ZNF277: variants seen among roughly 807,000 people sequenced by gnomAD.
ZNF277 encodes nuclear receptor-interacting factor 4.
In ZNF277, 55 loss-of-function variants were observed where a neutral mutation model predicts 60.7. That is an observed-to-expected ratio of 0.91 (90% confidence interval 0.73 to 1.13). ZNF277 has a LOEUF of 1.13. Ranked by LOEUF, ZNF277 falls within the 50% of genes most tolerant of loss-of-function variation. The pLI is 0.00. For synonymous variants in ZNF277, 178 were observed against 179.3 expected (o/e 0.99, Z 0.06); for missense variants, 510 against 523.0 (o/e 0.98, Z 0.24).
intron 4 of ZNF277, among the ~76,000 whole-genome samples, chr7:112,308,302 G>T (rs1355880303): frequency 6.6e-6 from 1 of 151,838 alleles, no homozygotes; most frequent in Non-Finnish European, 1.5e-5. Context: ...ATCACTTGAG[G>T]CCAGGAGTTC....
chr7:112,276,650 A>G (rs1296471689), intron 1 of ZNF277, among the ~76,000 whole-genome samples: 1 of 152,196 alleles, frequency 6.6e-6, no homozygotes, highest in Non-Finnish European at 1.5e-5. Flanking sequence ...ATTATAGTAA[A>G]TTATAGAAAA....
chr7:112,340,571 C>T (rs1793423846), intron 10 of ZNF277, among the ~76,000 whole-genome samples: 1 of 152,116 alleles, frequency 6.6e-6, no homozygotes. Flanking sequence ...TTGCAGCTGA[C>T]AGCTATCTAT....
intron 1 of ZNF277, among the ~76,000 whole-genome samples, chr7:112,262,280 G>T (rs139384559): frequency 1.3e-5 from 2 of 149,832 alleles, no homozygotes; most frequent in African/African-American, 4.9e-5. Flanking sequence ...ATTGAGCCAC[G>T]TGTGTAGACT....
intron 1 of ZNF277, among the ~76,000 whole-genome samples, chr7:112,220,514 T>C (rs1438474079): frequency 6.6e-5 from 10 of 152,226 alleles, no homozygotes; most frequent in Non-Finnish European, 1.3e-4. Flanking sequence ...GGCTTATCCT[T>C]GTCTAACTGT....
At chr7:112,236,728 A>C (rs1790802669) in intron 1 of ZNF277, among the ~76,000 whole-genome samples, 1 of 152,140 alleles carries the variant, frequency 6.6e-6, no homozygotes, top group Non-Finnish European at 1.5e-5. Context: ...ACACAATCTC[A>C]TCTTTTAAAT....
intron 1 of ZNF277, among the ~76,000 whole-genome samples, chr7:112,247,220 T>C (rs1255286846): frequency 1.3e-5 from 2 of 152,172 alleles, no homozygotes; most frequent in African/African-American, 4.8e-5. Flanking sequence ...TCAGGGCAAC[T>C]TAAATCTGTG....
chr7:112,228,797 C>T (rs1206420642), intron 1 of ZNF277, among the ~76,000 whole-genome samples: 1 of 151,996 alleles, frequency 6.6e-6, no homozygotes, highest in African/African-American at 2.4e-5. Flanking sequence ...ATCCAAAGAT[C>T]GAGAGCATAG....
chr7:112,314,885 A>G (rs1422572400), intron 4 of ZNF277, among the ~76,000 whole-genome samples: 1 of 152,104 alleles, frequency 6.6e-6, no homozygotes, highest in Non-Finnish European at 1.5e-5. Flanking sequence ...TCAGTAGAAA[A>G]CAAGGATCCA....
intron 1 of ZNF277, among the ~76,000 whole-genome samples, chr7:112,256,454 G>T (rs1480649126): frequency 2.0e-5 from 2 of 100,906 alleles, no homozygotes; most frequent in Non-Finnish European, 1.9e-5. Flanking sequence ...TTTTGAGAAA[G>T]AGTCTCACTC....
chr7:112,322,797 AT>A (rs1051444632), intron 5 of ZNF277, among the ~76,000 whole-genome samples: 1 of 151,882 alleles, frequency 6.6e-6, no homozygotes, highest in South Asian at 2.1e-4. Flanking sequence ...ATGTCTTGTA[AT>A]TTTTTTGTCA....
intron 9 of ZNF277, among the ~76,000 whole-genome samples, chr7:112,339,452 G>C (rs1446799036): frequency 6.6e-6 from 1 of 152,142 alleles, no homozygotes; most frequent in Non-Finnish European, 1.5e-5. Context: ...CTGAGTAGCT[G>C]GGATTACAGG....
chr7:112,337,801 T>C lies in ZNF277; in HGVS notation c.941T>C (p.Ile314Thr). The C allele has an allele frequency of 6.2e-7, 1 of 1,611,886 alleles. No homozygotes were observed. The highest frequency in any genetic ancestry group is 2.2e-5 in the East Asian group (1 of 44,850). Residue 314 changes from isoleucine (I) to threonine (T), a missense_variant, in exon 9 of 12, where the codon ATT (isoleucine) becomes ACT (threonine). Coordinates refer to ENST00000361822, the MANE Select transcript of ZNF277 (RefSeq NM_021994.3). ...CLFCEKQAET[I>T]EKLYVHMEDA... ...TTTTGTGAAAAGCAAGCAGAAACAA[T>C]TGAGAAGTTGTATGTCCACATGGAG... is the stretch of plus-strand genomic sequence containing the variant.
intron 2 of ZNF277, among the ~76,000 whole-genome samples, chr7:112,294,411 T>A (rs1031910256): frequency 1.3e-5 from 2 of 152,204 alleles, no homozygotes; most frequent in Non-Finnish European, 2.9e-5. Flanking sequence ...TGGAAGCCAG[T>A]GAGTTAGCCA....
chr7:112,252,094 A>G (rs1791211738), intron 1 of ZNF277, among the ~76,000 whole-genome samples: 1 of 152,198 alleles, frequency 6.6e-6, no homozygotes, highest in Non-Finnish European at 1.5e-5. Context: ...ACTTTTTTAC[A>G]CTGATGCACA....
In ZNF277 at chr7:112,219,655, T is replaced by G. The variant is rs1263994358; in HGVS notation, c.91+12848T>G. On this transcript the variant is annotated intron_variant, in intron 1 of 11. Coordinates refer to ENST00000361822, the MANE Select transcript of ZNF277 (RefSeq NM_021994.3). Reference sequence around the variant, plus strand: ...AGATAGAGTCTCACTCTATTATTGCTCAGGCTAGAGTGCTGTGTCTCCCAC... The same window carrying G: ...AGATAGAGTCTCACTCTATTATTGCGCAGGCTAGAGTGCTGTGTCTCCCAC... 3.3e-5 allele frequency among the ~76,000 whole-genome samples: 5 copies of G among 152,206 alleles called. No individual in the cohort carries two copies. In the East Asian group the frequency reaches 9.6e-4, roughly 29 times the overall value.
At chr7:112,277,718 A>C (rs1233443364) in intron 1 of ZNF277, among the ~76,000 whole-genome samples, 1 of 152,202 alleles carries the variant, frequency 6.6e-6, no homozygotes, top group Non-Finnish European at 1.5e-5. Flanking sequence ...TCATCACAGA[A>C]AGTTATGTTG....
intron 1 of ZNF277, among the ~76,000 whole-genome samples, chr7:112,243,202 G>A (rs73195220): frequency 0.055 from 8,425 of 152,040 alleles, 332 homozygotes; most frequent in South Asian, 0.13. Flanking sequence ...AGACTTAAAT[G>A]TAAGAACCTG....
At position 112,337,841 on chromosome 7, in the gene ZNF277, T is replaced by A. The variant is rs1793363501; in HGVS notation, c.966+15T>A. On this transcript the variant is annotated intron_variant, in intron 9 of 11. Transcript: ENST00000361822. ...TCCACATGGAGGTAAGATACCTGTA[T>A]TTATTTGAATTTTGTTTTATTCTGA... 2.5e-6 allele frequency: 4 copies of A among 1,598,130 alleles called. No individual in the cohort carries two copies. In the East Asian group the frequency reaches 9.0e-5, roughly 36 times the overall value.
At chr7:112,263,173 C>T (rs997684800) in intron 1 of ZNF277, among the ~76,000 whole-genome samples, 1 of 152,166 alleles carries the variant, frequency 6.6e-6, no homozygotes, top group East Asian at 1.9e-4. Context: ...ACTTGTAAGG[C>T]ACAGTCTTTC....
Sources: gnomAD v4.1 joint callset for allele counts (sites outside exome capture counted in the v4.1 genomes callset) on GRCh38, gnomAD v4.1.1 for gene constraint, MANE v1.5 for transcripts, NCBI Gene and HGNC (gene_info 2026-07-23, HGNC 2026-07-21) for gene names.